CRKL: variants seen among roughly 807,000 people sequenced by gnomAD.
CRKL encodes the protein crk-like protein.
CRKL carries 3 observed loss-of-function variants against 23.0 expected under a neutral mutation model. The ratio of observed to expected loss-of-function variants is 0.13; its 90% CI spans 0.06 to 0.34. The LOEUF (loss-of-function observed/expected upper bound fraction) is 0.34. Among genes scored for constraint, CRKL ranks in the 10% least tolerant of loss-of-function variants. CRKL has a pLI of 1.00. For synonymous variants in CRKL, 188 were observed against 160.7 expected (o/e 1.17, Z -1.28); for missense variants, 256 against 394.5 (o/e 0.65, Z 2.97).
At chr22:20,926,742 G>A (rs896769300) in intron 1 of CRKL, among the ~76,000 whole-genome samples, 2 of 151,966 alleles carry the variant, frequency 1.3e-5, no homozygotes, top group Non-Finnish European at 2.9e-5. Context: ...AGGAGGAGGA[G>A]CCATTAGTGA....
At position 20,949,800 on chromosome 22, in the gene CRKL, G is replaced by A. The variant is rs904201032; in HGVS notation, c.867G>A (p.Thr289=). The A allele has an allele frequency of 5.6e-6, 9 of 1,611,612 alleles. No individual in the cohort carries two copies. The highest frequency in any genetic ancestry group is 2.7e-5 in the African/African-American group (2 of 74,774). ...VNGRKGLFPF[T]HVKIFDPQNP... ...GGCGCAAAGGGCTTTTCCCCTTTAC[G>A]CACGTCAAAATCTTTGACCCTCAAA... The change falls in exon 3 of 3, where the codon ACG becomes ACA. Residue 289 remains threonine (T), a synonymous_variant. Coordinates refer to ENST00000354336, the MANE Select transcript of CRKL (RefSeq NM_005207.4).
At chr22:20,926,587 T>TGG (rs539382868) in intron 1 of CRKL, among the ~76,000 whole-genome samples, 4 of 152,080 alleles carry the variant, frequency 2.6e-5, no homozygotes, top group Non-Finnish European at 5.9e-5. Flanking sequence ...AGCAATCTGA[T>TGG]GGGTTTGTTA....
chr22:20,929,485 A>G (rs1255254129), intron 1 of CRKL, among the ~76,000 whole-genome samples: 1 of 122,282 alleles, frequency 8.2e-6, no homozygotes, highest in Non-Finnish European at 1.7e-5. Flanking sequence ...ATTTTTTGAG[A>G]CGGAATCTCT....
At chr22:20,929,416 T>C (rs949744694) in intron 1 of CRKL, among the ~76,000 whole-genome samples, 9 of 151,882 alleles carry the variant, frequency 5.9e-5, no homozygotes, top group Non-Finnish European at 1.2e-4. Flanking sequence ...CCGCCCGCCT[T>C]GGCCTCCCAA....
intron 1 of CRKL, among the ~76,000 whole-genome samples, chr22:20,925,039 C>G (rs1921145629): frequency 6.6e-6 from 1 of 151,856 alleles, no homozygotes; most frequent in Non-Finnish European, 1.5e-5. Flanking sequence ...AATACAAAAA[C>G]TAGCTGGGCG....
At chr22:20,923,561 G>A (rs1921069497) in intron 1 of CRKL, among the ~76,000 whole-genome samples, 1 of 145,602 alleles carries the variant, frequency 6.9e-6, no homozygotes, top group African/African-American at 2.6e-5. Context: ...ACAGTTATGA[G>A]CCACCGCGCC....
chr22:20,936,159 C>CA (rs1464048217), intron 2 of CRKL, among the ~76,000 whole-genome samples: 1 of 151,636 alleles, frequency 6.6e-6, no homozygotes, highest in African/African-American at 2.4e-5. Context: ...GACCCTATCT[C>CA]AAAAAAAGGG....
intron 2 of CRKL, among the ~76,000 whole-genome samples, chr22:20,947,676 A>T (rs1301807325): frequency 7.0e-3 from 636 of 90,384 alleles, no homozygotes; most frequent in Middle Eastern, 0.032. Flanking sequence ...TCTTTTTTTC[A>T]TTTTTTTTTT....
rs2147918995 is a variant in CRKL at position 20,950,077 on chromosome 22, A to G, written c.*232A>G. 1 of 501,298 alleles carries G rather than the reference A, an allele frequency of 2.0e-6. No individual in the cohort carries two copies. The highest frequency in any genetic ancestry group is 3.7e-5 in the East Asian group (1 of 27,028). The allele number at this position is 501,298 out of a possible 1,614,324, so 31.1% of individuals were successfully genotyped here. On this transcript the variant is annotated 3_prime_UTR_variant, in exon 3 of 3. Transcript: ENST00000354336. ...ATTTTAGAGTTCTTTTGGATCATAA[A>G]CTGGAAATACTGATGGAAGCACACA...
At chr22:20,948,228 T>C (rs1294380729) in intron 2 of CRKL, among the ~76,000 whole-genome samples, 3 of 152,192 alleles carry the variant, frequency 2.0e-5, no homozygotes, top group African/African-American at 7.2e-5. Context: ...ATCCTTAGCC[T>C]CATCTTTAAT....
intron 1 of CRKL, among the ~76,000 whole-genome samples, chr22:20,920,273 C>G (rs1173832527): frequency 6.6e-6 from 1 of 152,044 alleles, no homozygotes; most frequent in Non-Finnish European, 1.5e-5. Flanking sequence ...GAAGCCAAGC[C>G]GGGCGAATCA....
intron 1 of CRKL, among the ~76,000 whole-genome samples, chr22:20,928,497 T>C (rs895108749): frequency 2.6e-5 from 4 of 151,588 alleles, no homozygotes; most frequent in Admixed American, 1.3e-4. Flanking sequence ...CTATCATCTG[T>C]GTGCTCCCTT....
chr22:20,943,547 T>C (rs940864499), intron 2 of CRKL, among the ~76,000 whole-genome samples: 1 of 152,206 alleles, frequency 6.6e-6, no homozygotes, highest in African/African-American at 2.4e-5. Context: ...ACCTTAGTTA[T>C]TGTATTTAGG....
At chr22:20,923,901 G>C (rs1045409262) in intron 1 of CRKL, among the ~76,000 whole-genome samples, 1 of 151,834 alleles carries the variant, frequency 6.6e-6, no homozygotes, top group African/African-American at 2.4e-5. Flanking sequence ...AAAATGTAAA[G>C]GTTGGCTGTG....
chr22:20,951,790 T>A lies in CRKL; in HGVS notation c.*1945T>A, dbSNP rs1441196517. 4.5e-6 allele frequency: 1 copy of A among 220,606 alleles called. No homozygotes were observed. Among genetic ancestry groups the A allele is most frequent in the Non-Finnish European group, 9.1e-6 (1 of 110,244 alleles). The allele number at this position is 220,606 out of a possible 1,614,324, so 13.7% of individuals were successfully genotyped here. ...CTGCTGTATTCATGAATCTTGAGAG[T>A]GTTCCTGAGACAGAATTAATGGTCA... On this transcript the variant is annotated 3_prime_UTR_variant, in exon 3 of 3. Coordinates refer to ENST00000354336, the MANE Select transcript of CRKL (RefSeq NM_005207.4).
intron 2 of CRKL, 128 bp from the exon 3 acceptor site, chr22:20,949,581 AAC>A (rs1922191970): frequency 1.6e-6 from 2 of 1,257,446 alleles, no homozygotes; most frequent in Non-Finnish European, 2.2e-6. Context: ...CAGCATGGCT[AAC>A]AGAGTGAGAC....
intron 1 of CRKL, among the ~76,000 whole-genome samples, chr22:20,931,653 A>G (rs1940922284): frequency 2.6e-5 from 4 of 152,126 alleles, no homozygotes; most frequent in Admixed American, 2.6e-4. Context: ...CCTCATTTGT[A>G]AAATGGGGAT....
chr22:20,919,657 G>A (rs1920969842), intron 1 of CRKL, among the ~76,000 whole-genome samples: 2 of 152,118 alleles, frequency 1.3e-5, no homozygotes, highest in Admixed American at 1.3e-4. Context: ...AATTTTTAAA[G>A]TAACAAACTG....
Position 20,949,895 on chromosome 22 carries a change from TC to T in CRKL, c.*52del. On this transcript the variant is annotated 3_prime_UTR_variant, in exon 3 of 3. Transcript: ENST00000354336. ...CTTTGTTGTTCTGCCTGTCCTAGTC[TC>T]CTTTGAAGTGGGAAAGCATTTTCTC... The T allele has an allele frequency of 1.3e-6, 2 of 1,557,288 alleles. No homozygotes were observed. Among genetic ancestry groups the T allele is most frequent in the South Asian group, 2.4e-5 (2 of 82,654 alleles).
Sources: allele counts gnomAD v4.1 joint callset (sites outside exome capture counted in the v4.1 genomes callset), GRCh38; gene constraint gnomAD v4.1.1; transcripts MANE v1.5; gene names NCBI Gene and HGNC (gene_info 2026-07-23, HGNC 2026-07-21).